The following CNTNAP2 variants were observed in gnomAD, a reference collection of about 807,000 sequenced individuals.
CNTNAP2 encodes contactin-associated protein-like 2.
A neutral mutation model predicts 155.2 loss-of-function variants in CNTNAP2; 98 were observed. That is an observed-to-expected ratio of 0.63 (90% CI 0.54 to 0.75). The LOEUF is 0.75. Ranked by LOEUF, CNTNAP2 falls within the 30% of genes least tolerant of loss-of-function variation. CNTNAP2 has a pLI of 0.00. For synonymous variants in CNTNAP2, 651 were observed against 631.2 expected (o/e 1.03, Z -0.47); for missense variants, 1,727 against 1,688.1 (o/e 1.02, Z -0.40).
At chr7:146,975,467 A>G (rs1245189238) in intron 3 of CNTNAP2, among the ~76,000 whole-genome samples, 2 of 152,116 alleles carry the variant, frequency 1.3e-5, no homozygotes, top group Admixed American at 1.3e-4. Flanking sequence ...TCTGTCTAAG[A>G]AAAAATAATA....
intron 10 of CNTNAP2, among the ~76,000 whole-genome samples, chr7:147,432,337 C>G (rs1023979923): frequency 1.3e-5 from 2 of 152,034 alleles, no homozygotes; most frequent in African/African-American, 4.8e-5. Flanking sequence ...ATAAGGAGGC[C>G]AAATCAGCCC....
chr7:146,377,477 C>A (rs911341041), intron 1 of CNTNAP2, among the ~76,000 whole-genome samples: 1 of 152,034 alleles, frequency 6.6e-6, no homozygotes, highest in Non-Finnish European at 1.5e-5. Context: ...TATCTCTGAC[C>A]CTGATGGCTC....
chr7:146,246,544 G>T (rs1799660006), intron 1 of CNTNAP2, among the ~76,000 whole-genome samples: 1 of 150,872 alleles, frequency 6.6e-6, no homozygotes, highest in Non-Finnish European at 1.5e-5. Flanking sequence ...CCTCAGTATT[G>T]ATTAAGAAGG....
intron 1 of CNTNAP2, among the ~76,000 whole-genome samples, chr7:146,474,303 T>C (rs1197306745): frequency 2.0e-5 from 3 of 149,216 alleles, no homozygotes; most frequent in African/African-American, 7.3e-5. Flanking sequence ...TAAATATAAA[T>C]ATATATTTCA....
chr7:146,516,474 TG>T (rs967018802), intron 1 of CNTNAP2, among the ~76,000 whole-genome samples: 4 of 152,026 alleles, frequency 2.6e-5, no homozygotes, highest in African/African-American at 9.7e-5. Flanking sequence ...GGAAGTTGAA[TG>T]TTTTACAGCA....
rs1019727262 is a variant in CNTNAP2, at chr7:147,896,392, G to A, written c.2099-7173G>A. Reference sequence around the variant, plus strand: ...ACAGAGTCGATTCATCAAGACAGGGGAGTTGCAATAGAGAGAGTAACTCAC... The same window carrying A: ...ACAGAGTCGATTCATCAAGACAGGGAAGTTGCAATAGAGAGAGTAACTCAC... On this transcript the variant is annotated intron_variant, in intron 13 of 23. Transcript: ENST00000361727. Among the ~76,000 whole-genome samples, 8 of 152,172 alleles carry A rather than the reference G, an allele frequency of 5.3e-5. 1 individual carries two copies. The highest frequency in any genetic ancestry group is 7.3e-5 in the Non-Finnish European group (5 of 68,028).
intron 8 of CNTNAP2, among the ~76,000 whole-genome samples, chr7:147,149,060 C>A (rs1801773656): frequency 6.6e-6 from 1 of 151,358 alleles, no homozygotes; most frequent in Non-Finnish European, 1.5e-5. Context: ...TGGCTGCTGG[C>A]TGGGGTGGCT....
At chr7:147,104,588 G>A (rs1239737945) in intron 4 of CNTNAP2, among the ~76,000 whole-genome samples, 4 of 151,000 alleles carry the variant, frequency 2.6e-5, no homozygotes, top group Non-Finnish European at 4.4e-5. Flanking sequence ...ATGGGGAAAC[G>A]GTATTAAAAG....
At position 147,301,060 on chromosome 7, in the gene CNTNAP2, G is replaced by A. The variant is rs531674149; in HGVS notation, c.1498+770G>A. On this transcript the variant is annotated intron_variant, in intron 9 of 23. Coordinates refer to ENST00000361727, the MANE Select transcript of CNTNAP2 (RefSeq NM_014141.6). ...TGTGGGAAGTGAGTCACTAAATCCC[G>A]TCCACAGTTAAAGGAAGGGGATTTC... Among the ~76,000 whole-genome samples, 24 of 152,116 alleles carry A rather than the reference G, an allele frequency of 1.6e-4. 1 individual carries two copies. Among genetic ancestry groups the A allele is most frequent in the Admixed American group, 7.9e-4 (12 of 15,258 alleles).
At chr7:147,071,638 G>A (rs1324902708) in intron 4 of CNTNAP2, among the ~76,000 whole-genome samples, 3 of 152,148 alleles carry the variant, frequency 2.0e-5, no homozygotes, top group Non-Finnish European at 4.4e-5. Context: ...ATATGAGAAA[G>A]TGACATTTAA....
At chr7:147,903,088 A>G (rs1298173629) in intron 13 of CNTNAP2, among the ~76,000 whole-genome samples, 3 of 152,078 alleles carry the variant, frequency 2.0e-5, no homozygotes, top group African/African-American at 7.2e-5. Context: ...TCGCATTCCC[A>G]CCAGCAGTGT....
At chr7:148,293,581 T>A (rs1227822900) in intron 21 of CNTNAP2, among the ~76,000 whole-genome samples, 3 of 152,190 alleles carry the variant, frequency 2.0e-5, no homozygotes, top group Non-Finnish European at 4.4e-5. Flanking sequence ...GTACAAAGTG[T>A]TACTAGCAAG....
chr7:146,925,818 T>A (rs1344039192), intron 3 of CNTNAP2, among the ~76,000 whole-genome samples: 1 of 152,122 alleles, frequency 6.6e-6, no homozygotes, highest in Admixed American at 6.6e-5. Flanking sequence ...GCTAACCTTT[T>A]GGTCAAAATC....
chr7:147,333,014 A>T (rs745869613), intron 9 of CNTNAP2, among the ~76,000 whole-genome samples: 6 of 152,188 alleles, frequency 3.9e-5, no homozygotes, highest in Admixed American at 1.3e-4. Flanking sequence ...TATACAAGGG[A>T]TACATTAAAT....
chr7:146,373,330 G>T (rs891573437), intron 1 of CNTNAP2, among the ~76,000 whole-genome samples: 1 of 151,820 alleles, frequency 6.6e-6, no homozygotes, highest in African/African-American at 2.4e-5. Flanking sequence ...AGTATCTCCA[G>T]GCATTTGAGG....
intron 21 of CNTNAP2, among the ~76,000 whole-genome samples, chr7:148,271,450 A>G (rs1327383443): frequency 6.6e-6 from 1 of 152,178 alleles, no homozygotes; most frequent in Non-Finnish European, 1.5e-5. Context: ...GGAGGGAAAA[A>G]TTACCACCCC....
chr7:147,966,829 G>A (rs1322104347), intron 14 of CNTNAP2, among the ~76,000 whole-genome samples: 1 of 152,128 alleles, frequency 6.6e-6, no homozygotes, highest in Non-Finnish European at 1.5e-5. Flanking sequence ...ACCCACCCAG[G>A]GGCCATCAAG....
intron 13 of CNTNAP2, among the ~76,000 whole-genome samples, chr7:147,859,755 CTT>C (rs1164579382): frequency 1.3e-5 from 2 of 152,088 alleles, no homozygotes; most frequent in Non-Finnish European, 2.9e-5. Flanking sequence ...AGCAAAGTAA[CTT>C]TGAATAAAAT....
chr7:147,148,913 C>G (rs1251610436), intron 8 of CNTNAP2, among the ~76,000 whole-genome samples: 1 of 152,192 alleles, frequency 6.6e-6, no homozygotes, highest in Non-Finnish European at 1.5e-5. Context: ...GCCGCAGACC[C>G]TTGTGGTGGG....
Sources: gnomAD v4.1 joint callset for allele counts (sites outside exome capture counted in the v4.1 genomes callset) on GRCh38, gnomAD v4.1.1 for gene constraint, MANE v1.5 for transcripts, NCBI Gene and HGNC (gene_info 2026-07-23, HGNC 2026-07-21) for gene names.